TPM1: variants seen among roughly 807,000 people sequenced by gnomAD.
TPM1 encodes the protein tropomyosin alpha-1 chain.
A neutral mutation model predicts 42.9 loss-of-function variants in TPM1; 24 were observed. The observed-to-expected ratio is 0.56, with a 90% CI of 0.41 to 0.79. The LOEUF (loss-of-function observed/expected upper bound fraction) is 0.79, where lower values mean the gene tolerates loss of function less well. Among genes scored for constraint, TPM1 ranks in the 30% least tolerant of loss-of-function variants. The pLI is 0.00. For missense variants in TPM1, 158 were observed against 351.8 expected, an observed-to-expected ratio of 0.45 and a Z score of 4.41; for synonymous variants, 136 against 130.1, an observed-to-expected ratio of 1.05 and a Z score of -0.31.
rs200257214 is a variant in TPM1 at position 63,056,993 on chromosome 15, C to T, written c.249C>T (p.Ala83=). 2.4e-5 allele frequency: 39 copies of T among 1,614,172 alleles called. No individual in the cohort carries two copies. The East Asian group carries it at 6.9e-4, about 29-fold the overall frequency. ...TTTCACTCTCTACCTAGGCTGAAGC[C>T]GACGTAGCTTCTCTGAACAGACGCA... is the stretch of plus-strand genomic sequence containing the variant. ...LAEKKATDAE[A]DVASLNRRIQ... The change falls in exon 3 of 10, where the codon GCC becomes GCT. Residue 83 remains alanine (A), a synonymous_variant. Transcript: ENST00000403994.
chr15:63,048,880 C>G, intron 2 of TPM1: 1 of 800,014 alleles, frequency 1.2e-6, no homozygotes, highest in Non-Finnish European at 2.1e-6. Flanking sequence ...GGGGCCCGGC[C>G]TGTTCTCCTG....
chr15:63,050,819 T>G (rs1199465129), intron 2 of TPM1, among the ~76,000 whole-genome samples: 1 of 152,244 alleles, frequency 6.6e-6, no homozygotes, highest in South Asian at 2.1e-4. Flanking sequence ...TAGCTTGGGC[T>G]GTGAGTTAAG....
At chr15:63,061,810 G>A (rs28730802) in intron 6 of TPM1, 22 bp downstream of exon 6, 2 of 1,610,824 alleles carry the variant, frequency 1.2e-6, no homozygotes, top group South Asian at 2.2e-5. Flanking sequence ...GGATGGTGTG[G>A]GGGAAAGGCA....
chr15:63,056,080 G>A (rs556043805), intron 2 of TPM1: 1 of 152,332 alleles, frequency 6.6e-6, no homozygotes, highest in African/African-American at 2.4e-5. Context: ...GTTCCAATGA[G>A]GCCAGTTATT....
chr15:63,065,599 T>C (rs1390158343), intron 9 of TPM1: 22 of 985,218 alleles, frequency 2.2e-5, no homozygotes, highest in Non-Finnish European at 2.7e-5. Context: ...TGGGAAAAAC[T>C]TTTTGCATCA....
chr15:63,068,593 G>C (rs1055836038), downstream of TPM1, among the ~76,000 whole-genome samples: 10 of 152,124 alleles, frequency 6.6e-5, no homozygotes, highest in Non-Finnish European at 1.3e-4. Flanking sequence ...AGTATTTTTA[G>C]GTCCAAGTTG....
At chr15:63,048,253 C>G (rs1282263002) in intron 2 of TPM1, 14 of 514,652 alleles carry the variant, frequency 2.7e-5, no homozygotes, top group Non-Finnish European at 5.0e-5. Flanking sequence ...CCCGGAGCGC[C>G]CAGCTCACCA....
intron 2 of TPM1, among the ~76,000 whole-genome samples, chr15:63,049,558 G>A (rs1209101885): frequency 6.6e-6 from 1 of 151,986 alleles, no homozygotes; most frequent in East Asian, 1.9e-4. Flanking sequence ...GTGTGTGTGT[G>A]TTTTTAATGA....
downstream of TPM1, chr15:63,070,626 G>A: frequency 9.9e-7 from 1 of 1,005,168 alleles, no homozygotes. Context: ...CATTTTAAAA[G>A]TTCTCAGAAA....
chr15:63,050,362 A>G (rs1047882006), intron 2 of TPM1, among the ~76,000 whole-genome samples: 13 of 152,212 alleles, frequency 8.5e-5, no homozygotes, highest in Admixed American at 7.9e-4. Context: ...GATGGGTTAA[A>G]GTGGTATCAG....
chr15:63,054,177 T>A (rs117267308), intron 2 of TPM1, among the ~76,000 whole-genome samples: 1,603 of 152,182 alleles, frequency 0.011, 18 homozygotes, highest in South Asian at 0.042. Context: ...TCCCACTATA[T>A]CACAAACTGG....
At chr15:63,061,038 C>A in intron 5 of TPM1, 99 bp downstream of exon 5, 1 of 1,522,302 alleles carries the variant, frequency 6.6e-7, no homozygotes, top group South Asian at 1.1e-5. Context: ...TGTTTCAGCT[C>A]CGGGCTCCTT....
downstream of TPM1, among the ~76,000 whole-genome samples, chr15:63,068,435 C>A (rs961296130): frequency 6.6e-6 from 1 of 152,138 alleles, no homozygotes; most frequent in Admixed American, 6.5e-5. Context: ...ATATTCCAAG[C>A]GAGAAAACAT....
In TPM1 at chr15:63,064,600, A is replaced by G. The variant is rs1352254742; in HGVS notation, c.851+458A>G. On this transcript the variant is annotated intron_variant, in intron 9 of 9. Coordinates refer to ENST00000403994, the MANE Select transcript of TPM1 (RefSeq NM_001018005.2). Reference sequence around the variant, plus strand: ...GTGTCAGGTTATTGAGAATCTGAGGATAAGGAAATTGGCATGATCCAATAC... The same window carrying G: ...GTGTCAGGTTATTGAGAATCTGAGGGTAAGGAAATTGGCATGATCCAATAC... 1.8e-5 allele frequency: 19 copies of G among 1,033,826 alleles called. No individual in the cohort carries two copies. The Admixed American group carries it at 2.0e-4, about 11-fold the overall frequency. 64.0% of individuals were successfully genotyped at this position (1,033,826 alleles called of 1,614,324 possible).
downstream of TPM1, chr15:63,070,941 G>T (rs2036576094): frequency 6.8e-7 from 1 of 1,469,040 alleles, no homozygotes. Context: ...TTAGGTTCTT[G>T]TCTAGAAATG....
chr15:63,070,221 T>C, downstream of TPM1: 3 of 1,217,270 alleles, frequency 2.5e-6, no homozygotes, highest in Non-Finnish European at 3.1e-6. Context: ...TTTGAACTGA[T>C]AAATAATGAG....
chr15:63,065,930 C>A lies in TPM1; in HGVS notation c.*31C>A. 6.2e-7 allele frequency: 1 copy of A among 1,609,856 alleles called. No homozygotes were observed. The highest frequency in any genetic ancestry group is 8.5e-7 in the Non-Finnish European group (1 of 1,178,124). ...TTTGCTTCACTTCTCCCAAGACTCC[C>A]TCGTCGAGCTGGATGTCCCACCTCT... is the stretch of plus-strand genomic sequence containing the variant. On this transcript the variant is annotated 3_prime_UTR_variant, in exon 10 of 10. Transcript: ENST00000403994.
downstream of TPM1, among the ~76,000 whole-genome samples, chr15:63,069,108 A>G (rs2729828): frequency 0.81 from 122,698 of 152,036 alleles, 49,763 homozygotes; most frequent in East Asian, 1. Context: ...AGCTGAGATC[A>G]CGCCACTGCA....
At chr15:63,053,902 G>A (rs551486310) in intron 2 of TPM1, among the ~76,000 whole-genome samples, 4 of 151,892 alleles carry the variant, frequency 2.6e-5, no homozygotes, top group South Asian at 4.2e-4. Flanking sequence ...GGCTGGTCTC[G>A]AACTCCTGAC....
Sources: allele counts gnomAD v4.1 joint callset (sites outside exome capture counted in the v4.1 genomes callset), GRCh38; gene constraint gnomAD v4.1.1; transcripts MANE v1.5; gene names NCBI Gene and HGNC (gene_info 2026-07-23, HGNC 2026-07-21).